The following SETD1B variants were observed in gnomAD, a reference collection of about 807,000 sequenced individuals.
The protein encoded by SETD1B is histone-lysine N-methyltransferase SETD1B.
Under a neutral mutation model 148.0 loss-of-function variants are expected in SETD1B, and 7 were observed. The ratio of observed to expected loss-of-function variants is 0.05; its 90% CI spans 0.03 to 0.09. The LOEUF (loss-of-function observed/expected upper bound fraction) is 0.09. Ranked by LOEUF, SETD1B falls within the 10% of genes least tolerant of loss-of-function variation. SETD1B has a pLI of 1.00. For missense variants in SETD1B, 2,155 were observed against 2,729.9 expected, an observed-to-expected ratio of 0.79 and a Z score of 4.69; for synonymous variants, 1,361 against 1,186.5, an observed-to-expected ratio of 1.15 and a Z score of -3.02.
the SETD1B span, among the ~76,000 whole-genome samples, chr12:121,792,445 C>G: frequency 1.3e-5 from 2 of 152,266 alleles, no homozygotes; most frequent in Non-Finnish European, 2.9e-5. Context: ...CCGTAAACCA[C>G]CCGTGGGGGC....
At chr12:121,809,551 T>C (rs939143749) in intron 5 of SETD1B, 52 bp from the exon 6 acceptor site, 16 of 1,487,386 alleles carry the variant, frequency 1.1e-5, no homozygotes, top group African/African-American at 2.8e-5. Context: ...AAAATAGCCC[T>C]GTTCCATTGC....
chr12:121,813,308 C>G (rs951427239), intron 6 of SETD1B, among the ~76,000 whole-genome samples: 1 of 100,576 alleles, frequency 9.9e-6, no homozygotes, highest in Non-Finnish European at 2.3e-5. Context: ...AAAGAGTAAT[C>G]AAGGAAAAAT....
the SETD1B span, among the ~76,000 whole-genome samples, chr12:121,794,749 C>T: frequency 1.3e-5 from 2 of 148,810 alleles, no homozygotes; most frequent in African/African-American, 4.9e-5. Flanking sequence ...CCCTCTGCAC[C>T]ACCCAGATGA....
At position 121,817,377 on chromosome 12, in the gene SETD1B, G is replaced by A. The variant is rs1173361841; in HGVS notation, c.2985G>A (p.Glu995=). 3 of 1,526,122 alleles carry A rather than the reference G, an allele frequency of 2.0e-6. No individual in the cohort carries two copies. Among genetic ancestry groups the A allele is most frequent in the Non-Finnish European group, 2.7e-6 (3 of 1,131,526 alleles). 94.5% of individuals were successfully genotyped at this position (1,526,122 alleles called of 1,614,324 possible). A position where few individuals can be genotyped will look rare whatever the true frequency, so the allele number is the denominator to read the frequency against. ...CTCCCTCCCTTCCTGCAGAGTCCGA[G>A]CGAGAGCGAGACCGGGATATGGCAG... is the stretch of plus-strand genomic sequence containing the variant. The part of the protein sequence containing the change: ...TSVDEEDEES[E]RERDRDMADT... The change falls in exon 9 of 17, where the codon GAG becomes GAA. Residue 995 remains glutamate, a synonymous_variant. Transcript: ENST00000604567. The surrounding 1 kb of genome is among the most constrained non-coding windows in gnomAD (Gnocchi z 8.1).
At position 121,823,333 on chromosome 12, in the gene SETD1B, C is replaced by T; in HGVS notation, c.4754C>T (p.Pro1585Leu). The change falls in exon 12 of 17, where the codon CCC (proline) becomes CTC (leucine). Residue 1585 changes from proline (P) to leucine (L), a missense_variant. By Grantham distance (98) the Pro-to-Leu change is moderately conservative. Transcript: ENST00000604567. ...RNAGIPAPPP[P>L]LPPQPPPPPP... The stretch of plus-strand genomic sequence containing the variant: ...GCGGGGATCCCAGCCCCTCCACCAC[C>T]CCTTCCCCCCCAGCCACCCCCACCC... 1 of 1,442,376 alleles carries T rather than the reference C, an allele frequency of 6.9e-7. No homozygotes were observed. Among genetic ancestry groups the T allele is most frequent in the Non-Finnish European group, 9.4e-7 (1 of 1,058,240 alleles). The allele number at this position is 1,442,376 out of a possible 1,614,324, so 89.3% of individuals were successfully genotyped here. A position where few individuals can be genotyped will look rare whatever the true frequency, so the allele number is the denominator to read the frequency against.
At chr12:121,790,159 G>A in the SETD1B span, among the ~76,000 whole-genome samples, 1 of 152,212 alleles carries the variant, frequency 6.6e-6, no homozygotes, top group Non-Finnish European at 1.5e-5. Context: ...ACAGCCACAC[G>A]GGCCTTCCAC....
chr12:121,793,599 GC>G, the SETD1B span: 3 of 1,551,252 alleles, frequency 1.9e-6, no homozygotes, highest in Non-Finnish European at 8.7e-7. Context: ...CGGACCGGGG[GC>G]GGCGGTCTGG....
At position 121,810,649 on chromosome 12, in the gene SETD1B, C is replaced by T; in HGVS notation, c.1704C>T (p.Gly568=). 1.3e-6 allele frequency: 2 copies of T among 1,549,198 alleles called. No individual in the cohort carries two copies. Among genetic ancestry groups the T allele is most frequent in the Non-Finnish European group, 1.7e-6 (2 of 1,146,636 alleles). ...CCTCGTCACGCCCCTCCAGCACCGG[C>T]CTGGAGGATATCAGCCCAACACCCC... ...TPPSSRPSST[G]LEDISPTPLP... is the part of the protein sequence containing the mutation. The change falls in exon 6 of 17, where the codon GGC becomes GGT. Residue 568 remains glycine (G), a synonymous_variant. Coordinates refer to ENST00000604567, the MANE Select transcript of SETD1B (RefSeq NM_001353345.2). The surrounding 1 kb of genome is among the most constrained non-coding windows in gnomAD (Gnocchi z 7.6).
At chr12:121,811,999 C>T (rs1220362373) in intron 6 of SETD1B, among the ~76,000 whole-genome samples, 2 of 152,182 alleles carry the variant, frequency 1.3e-5, no homozygotes, top group Admixed American at 6.5e-5. Context: ...GGAGTGTTTA[C>T]CATGCTGACC....
rs1877111258 is a variant in SETD1B, at chr12:121,831,866, T to C, written c.*1627T>C. The C allele has an allele frequency of 6.6e-6, 1 of 151,342 alleles. No individual in the cohort carries two copies. The highest frequency in any genetic ancestry group is 2.4e-5 in the African/African-American group (1 of 41,354). The allele number at this position is 151,342 out of a possible 1,614,324, so 9.4% of individuals were successfully genotyped here. ...GAATTGTTATTTTTCTCTTTTTTGT[T>C]GTTGGTGGTTTTGTTGTGTGTTTTT... On this transcript the variant is annotated 3_prime_UTR_variant, in exon 17 of 17. Transcript: ENST00000604567.
chr12:121,798,234 C>T, the SETD1B span, among the ~76,000 whole-genome samples: 104 of 152,328 alleles, frequency 6.8e-4, no homozygotes, highest in South Asian at 1.0e-3. Context: ...GGGTGGGTGA[C>T]CCAAATCTTG....
In SETD1B at chr12:121,822,503, A is replaced by G. The variant is rs1214291597; in HGVS notation, c.3924A>G (p.Glu1308=). Residue 1308 remains glutamate (E), a synonymous_variant, in exon 12 of 17, where the codon GAA becomes GAG. Coordinates refer to ENST00000604567, the MANE Select transcript of SETD1B (RefSeq NM_001353345.2). ...SPERAPEHDL[E]VEPEPPMMLP... is the part of the protein sequence containing the mutation. Reference sequence around the variant, plus strand: ...ACCTCTCTGCAGAACATGACCTGGAAGTGGAGCCGGAGCCCCCTATGATGC... The same window carrying G: ...ACCTCTCTGCAGAACATGACCTGGAGGTGGAGCCGGAGCCCCCTATGATGC... The G allele has an allele frequency of 1.3e-6, 2 of 1,544,842 alleles. No individual in the cohort carries two copies. Among genetic ancestry groups the G allele is most frequent in the African/African-American group, 2.7e-5 (2 of 72,820 alleles).
chr12:121,820,950 G>A (rs1453443671), intron 11 of SETD1B, among the ~76,000 whole-genome samples: 4 of 152,198 alleles, frequency 2.6e-5, no homozygotes, highest in South Asian at 2.1e-4. Context: ...GGAAAAGACC[G>A]GTGGGATGCG....
intron 10 of SETD1B, 36 bp from the exon 11 acceptor site, chr12:121,819,368 T>C: frequency 6.5e-7 from 1 of 1,549,728 alleles, no homozygotes. Context: ...GCACAGCGGG[T>C]CCTCAGGCAG....
At chr12:121,800,467 A>C (rs1490282519), upstream of SETD1B, 1 of 151,930 alleles carries the variant, frequency 6.6e-6, no homozygotes, top group Non-Finnish European at 1.5e-5. Flanking sequence ...GGTCAGGGCC[A>C]GGCCGGTCCG....
chr12:121,796,492 G>A, the SETD1B span, among the ~76,000 whole-genome samples: 1 of 152,212 alleles, frequency 6.6e-6, no homozygotes, highest in African/African-American at 2.4e-5. Context: ...GCAACGCTGT[G>A]GCACCCACTT....
chr12:121,793,943 C>G, the SETD1B span: 3 of 278,706 alleles, frequency 1.1e-5, no homozygotes, highest in South Asian at 9.8e-5. Context: ...CGGCGAGACC[C>G]GATCGTGGCT....
intron 11 of SETD1B, 25 bp downstream of exon 11, chr12:121,819,920 G>A: frequency 6.5e-7 from 1 of 1,533,868 alleles, no homozygotes; most frequent in Non-Finnish European, 8.8e-7. Context: ...CCCCTGGGAG[G>A]GTGGTGGGAG....
At position 121,817,048 on chromosome 12, in the gene SETD1B, G is replaced by T. The variant is rs1039092943; in HGVS notation, c.2731G>T (p.Val911Leu). 3.0e-5 allele frequency: 46 copies of T among 1,529,290 alleles called. No homozygotes were observed. The African/African-American group carries it at 5.8e-4, about 19-fold the overall frequency. The allele number at this position is 1,529,290 out of a possible 1,614,324, so 94.7% of individuals were successfully genotyped here. A position where few individuals can be genotyped will look rare whatever the true frequency, so the allele number is the denominator to read the frequency against. The change falls in exon 8 of 17, where the codon GTG becomes TTG. Residue 911 changes from valine to leucine, a missense_variant. This residue lies in a region of SETD1B where 289 missense variants were observed against 423.7 expected (regional missense o/e 0.68). Coordinates refer to ENST00000604567, the MANE Select transcript of SETD1B (RefSeq NM_001353345.2). This position sits in a 1 kb window ranked among gnomAD's most constrained non-coding sequence, Gnocchi z 8.1. ...ERMAKASLTPVKSGEHKDEDR... is the reference protein window; with the variant it reads ...ERMAKASLTPLKSGEHKDEDR... ...TCCACCCCAGGCCTCGCTGACCCCG[G>T]TGAAGTCGGGCGAGCACAAGGACGA...
Sources: allele counts gnomAD v4.1 joint callset (sites outside exome capture counted in the v4.1 genomes callset), GRCh38; gene constraint gnomAD v4.1.1; regional missense constraint gnomAD v4.1.1; non-coding constraint Gnocchi (gnomAD v3.1); transcripts MANE v1.5; gene names NCBI Gene and HGNC (gene_info 2026-07-23, HGNC 2026-07-21).